The following CES5A variants were observed in gnomAD, a reference collection of about 807,000 sequenced individuals.
The protein encoded by CES5A is carboxylesterase 5A, also known as carboxylesterase 5.
CES5A carries 67 observed loss-of-function variants against 62.9 expected under a neutral mutation model. That is an observed-to-expected ratio of 1.07 (90% CI 0.88 to 1.31). CES5A has a LOEUF of 1.31. CES5A is among the 50% of genes most tolerant of loss of function. The probability of loss-of-function intolerance (pLI) is 0.00; values close to 1 mark genes in which losing one functional copy is unlikely to be tolerated. For synonymous variants in CES5A, 296 were observed against 280.8 expected (o/e 1.05, Z -0.54); for missense variants, 748 against 708.5 (o/e 1.06, Z -0.63).
intron 8 of CES5A, among the ~76,000 whole-genome samples, chr16:55,856,931 AC>A (rs1168482170): frequency 6.6e-6 from 1 of 152,226 alleles, no homozygotes; most frequent in Non-Finnish European, 1.5e-5. Flanking sequence ...AGTCCCTAGA[AC>A]TGTGAGAACA....
chr16:55,869,689 T>C lies in CES5A; in HGVS notation c.473A>G (p.Asp158Gly), dbSNP rs1157131821. The change falls in exon 4 of 13, where the codon GAT becomes GGT. Residue 158 changes from aspartate (D) to glycine (G), a missense_variant. Coordinates refer to ENST00000290567, the MANE Select transcript of CES5A (RefSeq NM_001143685.2). The stretch of plus-strand genomic sequence containing the variant: ...CTCATAGGCAGCCAGGGCGGACCCA[T>C]CAAAGATGGAGGCTGAGCCAGTCTT... ...AFKTGSASIF[D>G]GSALAAYEDV... is the part of the protein sequence containing the mutation. The C allele has an allele frequency of 5.6e-6, 9 of 1,611,842 alleles. No homozygotes were observed. The highest frequency in any genetic ancestry group is 1.3e-5 in the African/African-American group (1 of 74,834).
intron 1 of CES5A, among the ~76,000 whole-genome samples, chr16:55,950,946 C>CA (rs1362847568): frequency 1.3e-5 from 2 of 151,522 alleles, no homozygotes; most frequent in East Asian, 3.9e-4. Context: ...ACTAAAAATA[C>CA]AAAAAATTAG....
chr16:55,868,563 G>A (rs1271376850), intron 4 of CES5A, among the ~76,000 whole-genome samples: 3 of 152,146 alleles, frequency 2.0e-5, no homozygotes, highest in African/African-American at 7.2e-5. Flanking sequence ...CTCACTCTTG[G>A]AGAATTAACC....
At chr16:55,861,789 T>C (rs2033356777) in intron 6 of CES5A, among the ~76,000 whole-genome samples, 1 of 152,302 alleles carries the variant, frequency 6.6e-6, no homozygotes, top group South Asian at 2.1e-4. Context: ...GGCTGTGGAA[T>C]GGAATCAAGA....
At chr16:55,884,876 G>A (rs1456591513) in intron 1 of CES5A, among the ~76,000 whole-genome samples, 4 of 152,138 alleles carry the variant, frequency 2.6e-5, no homozygotes, top group Admixed American at 6.5e-5. Context: ...ACAGGAGGGA[G>A]CCACTGTGCC....
At chr16:55,912,424 C>T (rs1374679162) in intron 1 of CES5A, among the ~76,000 whole-genome samples, 3 of 151,626 alleles carry the variant, frequency 2.0e-5, no homozygotes, top group Non-Finnish European at 4.4e-5. Context: ...AGGGAGCATT[C>T]GAGGAAAAAA....
At chr16:55,907,646 G>A (rs1270537915) in intron 1 of CES5A, among the ~76,000 whole-genome samples, 9 of 152,150 alleles carry the variant, frequency 5.9e-5, no homozygotes, top group Admixed American at 5.9e-4. Context: ...CAGGGAAGGG[G>A]CAGATAAGTG....
chr16:55,952,968 C>T (rs906377333), intron 1 of CES5A, among the ~76,000 whole-genome samples: 1 of 152,102 alleles, frequency 6.6e-6, no homozygotes, highest in African/African-American at 2.4e-5. Context: ...ATGAAAGGAA[C>T]AAGCCAATAT....
At chr16:55,893,109 G>A (rs1237060458) in intron 1 of CES5A, among the ~76,000 whole-genome samples, 2 of 152,086 alleles carry the variant, frequency 1.3e-5, no homozygotes, top group African/African-American at 4.8e-5. Context: ...GAGAAGCTGA[G>A]GGAAGGGCTA....
chr16:55,873,916 G>A lies in CES5A; in HGVS notation c.195C>T (p.Pro65=). The part of the protein sequence containing the change: ...NVFLGVPFAA[P]PLGSLRFTNP... ...TCGTAAATCGCAGGGATCCCAGCGG[G>A]GGAGCAGCAAAGGGGACTCCGAGGA... The change falls in exon 2 of 13, where the codon CCC becomes CCT. Residue 65 remains proline, a synonymous_variant. Coordinates refer to ENST00000290567, the MANE Select transcript of CES5A (RefSeq NM_001143685.2). 6.2e-7 allele frequency: 1 copy of A among 1,613,916 alleles called. No homozygotes were observed. The highest frequency in any genetic ancestry group is 8.5e-7 in the Non-Finnish European group (1 of 1,180,014).
At chr16:55,920,494 C>T (rs112142492) in intron 1 of CES5A, among the ~76,000 whole-genome samples, 55 of 152,300 alleles carry the variant, frequency 3.6e-4, no homozygotes, top group African/African-American at 1.3e-3. Flanking sequence ...TCTCACACTG[C>T]TGAGGTATCC....
chr16:55,895,269 A>G (rs1412990262), intron 1 of CES5A, among the ~76,000 whole-genome samples: 1 of 152,226 alleles, frequency 6.6e-6, no homozygotes, highest in East Asian at 1.9e-4. Flanking sequence ...AAGCTAACCA[A>G]AGACTTAAAT....
At chr16:55,871,234 A>G (rs1445501306) in intron 3 of CES5A, among the ~76,000 whole-genome samples, 1 of 152,198 alleles carries the variant, frequency 6.6e-6, no homozygotes, top group Non-Finnish European at 1.5e-5. Flanking sequence ...GAAACACTTA[A>G]CATGATTACC....
rs1326970851 is a variant in CES5A, at chr16:55,863,434, T to A, written c.724A>T (p.Lys242Ter). Residue 242 changes from lysine (K) to a stop codon, truncating the protein, a stop_gained, in exon 6 of 13, where the codon AAA becomes TAA. Coordinates refer to ENST00000290567, the MANE Select transcript of CES5A (RefSeq NM_001143685.2). LOFTEE classifies it high-confidence loss of function. ...VSSLILSPMA[K>*]GLFHKAIMES... The stretch of plus-strand genomic sequence containing the variant: ...ATGATGGCTTTGTGGAATAAGCCTT[T>A]GGCCATGGGAGACAGTATCTGGAGA... 1 of 1,596,944 alleles carries A rather than the reference T, an allele frequency of 6.3e-7. No homozygotes were observed. The highest frequency in any genetic ancestry group is 2.2e-5 in the East Asian group (1 of 44,802).
In CES5A at chr16:55,846,822, T is replaced by C. The variant is rs747737768; in HGVS notation, c.1442A>G (p.Glu481Gly). The stretch of plus-strand genomic sequence containing the variant: ...CATCATCTTCCGGCTCAGTAACTTC[T>C]CCTCCTCCGTGGCTCCTTCTGAAGG... ...IVMFEGATEE[E>G]KLLSRKMMKY... The change falls in exon 12 of 13, where the codon GAG becomes GGG. Residue 481 changes from glutamate to glycine, a missense_variant. Glu to Gly is a moderately conservative substitution (Grantham distance 98). Transcript: ENST00000290567. The C allele has an allele frequency of 4.3e-6, 7 of 1,613,994 alleles. No homozygotes were observed. Among genetic ancestry groups the C allele is most frequent in the Non-Finnish European group, 5.9e-6 (7 of 1,179,974 alleles).
chr16:55,884,540 C>T (rs1295783546), intron 1 of CES5A, among the ~76,000 whole-genome samples: 1 of 152,158 alleles, frequency 6.6e-6, no homozygotes, highest in African/African-American at 2.4e-5. Flanking sequence ...GCCACCTCTC[C>T]TGCCATGTCC....
At chr16:55,892,129 G>C (rs2033886716) in intron 1 of CES5A, among the ~76,000 whole-genome samples, 2 of 152,012 alleles carry the variant, frequency 1.3e-5, no homozygotes, top group Admixed American at 1.3e-4. Flanking sequence ...AAAGAAACTT[G>C]GTCTCCACAA....
chr16:55,938,280 C>A (rs2034399381), intron 2 of CES5A, among the ~76,000 whole-genome samples: 1 of 152,136 alleles, frequency 6.6e-6, no homozygotes, highest in African/African-American at 2.4e-5. Context: ...TGCAAACATG[C>A]TCTCTGGCTC....
intron 1 of CES5A, among the ~76,000 whole-genome samples, chr16:55,916,493 G>A (rs2034149967): frequency 6.6e-6 from 1 of 152,190 alleles, no homozygotes; most frequent in African/African-American, 2.4e-5. Context: ...GCAAGATGGA[G>A]TCAGCCATGT....
Sources: allele counts gnomAD v4.1 joint callset (sites outside exome capture counted in the v4.1 genomes callset), GRCh38; gene constraint gnomAD v4.1.1; transcripts MANE v1.5; gene names NCBI Gene and HGNC (gene_info 2026-07-23, HGNC 2026-07-21).